TTN: variants seen among roughly 807,000 people sequenced by gnomAD.
TTN encodes connectin.
In TTN, 1,525 loss-of-function variants were observed where a neutral mutation model predicts 3,223.0. The ratio of observed to expected loss-of-function variants is 0.47; its 90% CI spans 0.45 to 0.49. The LOEUF is 0.49. Ranked by LOEUF, TTN falls within the 20% of genes least tolerant of loss-of-function variation. The pLI, the probability that TTN is intolerant of heterozygous loss-of-function variation, is 0.00. For synonymous variants in TTN, 14,094 were observed against 15,161.0 expected (o/e 0.93, Z 5.17); for missense variants, 40,786 against 43,424.0 (o/e 0.94, Z 5.40).
At position 178,552,106 on chromosome 2, in the gene TTN, C is replaced by T. The variant is rs771164863; in HGVS notation, c.90794G>A (p.Arg30265Gln). The change falls in exon 335 of 363, where the codon CGG becomes CAG. Residue 30265 changes from arginine to glutamine, a missense_variant. Transcript: ENST00000589042. ...GEITCYSIEK[R>Q]ETSQTNWKMV... ...CTTCCAGTTAGTTTGTGAAGTTTCC[C>T]GCTTCTCGATGCTGTAACAAGTAAT... 16 of 1,613,510 alleles carry T rather than the reference C, an allele frequency of 9.9e-6. No individual in the cohort carries two copies. The highest frequency in any genetic ancestry group is 2.2e-5 in the South Asian group (2 of 91,026).
At position 178,557,876 on chromosome 2, in the gene TTN, C is replaced by T; in HGVS notation, c.87478G>A (p.Glu29160Lys). The change falls in exon 328 of 363, where the codon GAG becomes AAG. Residue 29160 changes from glutamate to lysine, a missense_variant. Glu to Lys is a moderately conservative substitution (Grantham distance 56). Coordinates refer to ENST00000589042, the MANE Select transcript of TTN (RefSeq NM_001267550.2). Reference protein sequence around the residue: ...ITEESVTLKWEPPKYDGGSQV... With the variant: ...ITEESVTLKWKPPKYDGGSQV... ...CTTCCACCGTCATACTTAGGTGGCT[C>T]CCATTTGAGAGTCACACTTTCTTCA... 1 of 1,613,802 alleles carries T rather than the reference C, an allele frequency of 6.2e-7. No individual in the cohort carries two copies. Among genetic ancestry groups the T allele is most frequent in the Non-Finnish European group, 8.5e-7 (1 of 1,179,836 alleles).
rs778341120 is a variant in TTN, at chr2:178,542,432, C to T, written c.97324G>A (p.Ala32442Thr). ...LSGYVVEQRDAHRPGWLPVSE... is the reference protein window; with the variant it reads ...LSGYVVEQRDTHRPGWLPVSE... The stretch of plus-strand genomic sequence containing the variant: ...ACGGGCAGCCATCCTGGACGATGAG[C>T]GTCACGTTGTTCTACCACATAACCA... The change falls in exon 349 of 363, where the codon GCT becomes ACT. Residue 32442 changes from alanine (A) to threonine (T), a missense_variant. Transcript: ENST00000589042. The T allele has an allele frequency of 1.7e-5, 28 of 1,613,566 alleles. No individual in the cohort carries two copies. Among genetic ancestry groups the T allele is most frequent in the African/African-American group, 5.3e-5 (4 of 74,900 alleles).
Position 178,590,809 on chromosome 2 carries a change from A to G in TTN, c.60916T>C (p.Tyr20306His). 1.2e-6 allele frequency: 2 copies of G among 1,607,314 alleles called. No homozygotes were observed. The highest frequency in any genetic ancestry group is 2.2e-5 in the East Asian group (1 of 44,582). Residue 20306 changes from tyrosine (Y) to histidine (H), a missense_variant, in exon 304 of 363, where the codon TAC becomes CAC. Tyr to His is a moderately conservative substitution (Grantham distance 83, BLOSUM62 2). Transcript: ENST00000589042. The part of the protein sequence containing the change: ...KSDGGSPITG[Y>H]YMERREVTGK... ...GTTACTTCTCGACGTTCCATATAGT[A>G]GCCAGTTATTGGACTGCCACCATCA...
chr2:178,704,012 A>G (rs2075439317), intron 106 of TTN, 135 bp downstream of exon 106: 2 of 1,143,064 alleles, frequency 1.7e-6, no homozygotes, highest in South Asian at 1.8e-5. Flanking sequence ...GATGAATACT[A>G]TGAGAACGTG....
At chr2:178,729,599 C>G (rs1560775964) in intron 63 of TTN, 33 bp from the exon 64 acceptor site, 19 of 1,612,624 alleles carry the variant, frequency 1.2e-5, no homozygotes, top group Non-Finnish European at 1.4e-5. Flanking sequence ...GTAGCTTACT[C>G]AAGGGAAGAC....
rs758176369 is a variant in TTN, at chr2:178,602,302, A to C, written c.55100T>G (p.Ile18367Ser). Residue 18367 changes from isoleucine (I) to serine (S), a missense_variant, in exon 283 of 363, where the codon ATC (isoleucine) becomes AGC (serine). Ile to Ser is a moderately radical substitution (Grantham distance 142). Coordinates refer to ENST00000589042, the MANE Select transcript of TTN (RefSeq NM_001267550.2). ...ESEPSDTTGE[I>S]PATDIQEEPE... ...AGTACCTTGAATATCAGTGGCAGGGATCTCCCCAGTTGTATCACTTGGTTC... is the reference window on the plus strand; with the variant it reads ...AGTACCTTGAATATCAGTGGCAGGGCTCTCCCCAGTTGTATCACTTGGTTC... The C allele has an allele frequency of 6.2e-7, 1 of 1,612,720 alleles. No homozygotes were observed. Among genetic ancestry groups the C allele is most frequent in the Non-Finnish European group, 8.5e-7 (1 of 1,179,228 alleles).
chr2:178,587,038 G>A, intron 307 of TTN, 80 bp downstream of exon 307: 2 of 1,538,042 alleles, frequency 1.3e-6, no homozygotes, highest in Non-Finnish European at 1.8e-6. Context: ...TTTCAGAAGT[G>A]GATTAAAATG....
chr2:178,738,012 T>A, intron 49 of TTN, 70 bp downstream of exon 49: 1 of 1,559,534 alleles, frequency 6.4e-7, no homozygotes, highest in Non-Finnish European at 8.7e-7. Context: ...TTCCCACACA[T>A]GTACAGAAAG....
chr2:178,792,210 A>C lies in TTN; in HGVS notation c.1537-13T>G, dbSNP rs2093542409. On this transcript the variant is annotated splice_polypyrimidine_tract_variant and intron_variant, in intron 9 of 362. Transcript: ENST00000589042. ...TTTCTTTTCTTATCTGCAAAGAATG[A>C]TTTAAGAAAAAACTTTATTTCCTGA... is the stretch of plus-strand genomic sequence containing the variant. 1 of 1,598,700 alleles carries C rather than the reference A, an allele frequency of 6.3e-7. No homozygotes were observed. The highest frequency in any genetic ancestry group is 8.5e-7 in the Non-Finnish European group (1 of 1,175,904).
Position 178,626,740 on chromosome 2 carries a change from A to G in TTN, c.44425-1344T>C, listed in dbSNP as rs540939476. Among the ~76,000 whole-genome samples the G allele has an allele frequency of 2.0e-5, 3 of 152,028 alleles. No individual in the cohort carries two copies. The South Asian group carries it at 6.2e-4, about 32-fold the overall frequency. On this transcript the variant is annotated intron_variant, in intron 240 of 362. Coordinates refer to ENST00000589042, the MANE Select transcript of TTN (RefSeq NM_001267550.2). ...TCCGAGGGCATGGTGCTGAAATGGG[A>G]AAAATTTGTTTTTTTAATAACATTT... is the stretch of plus-strand genomic sequence containing the variant.
intron 13 of TTN, 127 bp from the exon 14 acceptor site, chr2:178,786,268 C>G: frequency 1.0e-6 from 1 of 955,182 alleles, no homozygotes; most frequent in South Asian, 1.5e-5. Context: ...AGAAATGTAT[C>G]TCAGAAACAC....
rs1553685985 is a variant in TTN at position 178,607,347 on chromosome 2, A to G, written c.53288-33T>C. ...CAAAACAAAGCCAAAAATCAATGTA[A>G]TAAGATAGTATCACTTGGGAAAATC... On this transcript the variant is annotated intron_variant, in intron 277 of 362. Coordinates refer to ENST00000589042, the MANE Select transcript of TTN (RefSeq NM_001267550.2). The G allele has an allele frequency of 3.2e-5, 51 of 1,612,536 alleles. No homozygotes were observed. In the South Asian group the frequency reaches 5.6e-4, roughly 18 times the overall value.
chr2:178,785,850 G>A lies in TTN; in HGVS notation c.2368C>T (p.Gln790Ter). ...TDQKGMHISS[Q>*]IKKTTDLTTE... ...AAAATCAGCAGGTATAGACTCACCT[G>A]TGATGATATGTGCATTCCCTTTTGA... Residue 790 changes from glutamine (Q) to a stop codon, truncating the protein, a stop_gained and splice_region_variant, in exon 14 of 363, where the codon CAG becomes TAG. Coordinates refer to ENST00000589042, the MANE Select transcript of TTN (RefSeq NM_001267550.2). LOFTEE classifies it high-confidence loss of function. 6.2e-7 allele frequency: 1 copy of A among 1,614,158 alleles called. No homozygotes were observed.
rs1168668643 is a variant in TTN at position 178,532,068 on chromosome 2, C to G, written c.104547G>C (p.Glu34849Asp). Residue 34849 changes from glutamate (E) to aspartate (D), a missense_variant, in exon 358 of 363, where the codon GAG (glutamate) becomes GAC (aspartate). By Grantham distance (45) the Glu-to-Asp change is conservative. Transcript: ENST00000589042. ...TCAGCTCAGACACTGGCCTCATTAA[C>G]TCAATATAAGTTGGAGACAGGGAGC... ...RRRSLSPTYI[E>D]LMRPVSELIR... 6.2e-7 allele frequency: 1 copy of G among 1,613,834 alleles called. No homozygotes were observed. The highest frequency in any genetic ancestry group is 1.7e-5 in the Admixed American group (1 of 59,994).
chr2:178,711,958 A>G lies in TTN; in HGVS notation c.27872T>C (p.Phe9291Ser), dbSNP rs754982924. ...NSVGEVSAST[F>S]LTVQEQKLPP... is the part of the protein sequence containing the mutation. ...ATTGCAATCACCTTGAACGGTAAGGAAAGTTGATGCAGAAACTTCTCCCAC... is the reference window on the plus strand; with the variant it reads ...ATTGCAATCACCTTGAACGGTAAGGGAAGTTGATGCAGAAACTTCTCCCAC... The change falls in exon 96 of 363, where the codon TTC becomes TCC. Residue 9291 changes from phenylalanine (F) to serine (S), a missense_variant. By Grantham distance (155) the Phe-to-Ser change is radical. Coordinates refer to ENST00000589042, the MANE Select transcript of TTN (RefSeq NM_001267550.2). The G allele has an allele frequency of 5.0e-6, 8 of 1,599,524 alleles. No individual in the cohort carries two copies. Among genetic ancestry groups the G allele is most frequent in the Admixed American group, 1.7e-5 (1 of 58,838 alleles).
chr2:178,717,694 A>G lies in TTN; in HGVS notation c.25180T>C (p.Tyr8394His), dbSNP rs898098652. ...NGSEPLQVSW[Y>H]KDGVLLKDDA... ...TCTTTCAAAAGAACCCCATCCTTGTACCAAGACACTTGAAGAGGTTCTGAG... is the reference window on the plus strand; with the variant it reads ...TCTTTCAAAAGAACCCCATCCTTGTGCCAAGACACTTGAAGAGGTTCTGAG... The change falls in exon 87 of 363, where the codon TAC becomes CAC. Residue 8394 changes from tyrosine to histidine, a missense_variant. By Grantham distance (83) the Tyr-to-His change is moderately conservative. Transcript: ENST00000589042. The G allele has an allele frequency of 6.2e-7, 1 of 1,613,496 alleles. No homozygotes were observed. Among genetic ancestry groups the G allele is most frequent in the Non-Finnish European group, 8.5e-7 (1 of 1,179,612 alleles).
chr2:178,612,942 A>C lies in TTN; in HGVS notation c.49779T>G (p.Thr16593=). ...IESYVIEMLK[T]GTDEWVRVAE... is the part of the protein sequence containing the mutation. ...CCACTCTGACCCACTCATCTGTTCC[A>C]GTCTTCAGCATTTCAATGACATAAG... Residue 16593 remains threonine, a synonymous_variant, in exon 265 of 363, where the codon ACT becomes ACG. Coordinates refer to ENST00000589042, the MANE Select transcript of TTN (RefSeq NM_001267550.2). 6.2e-7 allele frequency: 1 copy of C among 1,612,704 alleles called. No homozygotes were observed.
chr2:178,622,568 C>T, intron 243 of TTN, 102 bp downstream of exon 243: 4 of 819,296 alleles, frequency 4.9e-6, no homozygotes, highest in Non-Finnish European at 3.9e-6. Context: ...AAAGTGGTGA[C>T]CAGAGAAGTT....
At position 178,733,487 on chromosome 2, in the gene TTN, A is replaced by G; in HGVS notation, c.15806T>C (p.Leu5269Pro). The G allele has an allele frequency of 6.8e-6, 11 of 1,612,064 alleles. No homozygotes were observed. The highest frequency in any genetic ancestry group is 1.7e-5 in the Admixed American group (1 of 59,914). ...GGGATCTCCTGCTGTCACCTGGATC[A>G]GTTCTGCTCGCTCAATGATTTTGGC... ...EPAKIIERAELIQVTAGDPAT... is the reference protein window; with the variant it reads ...EPAKIIERAEPIQVTAGDPAT... The change falls in exon 54 of 363, where the codon CTG becomes CCG. Residue 5269 changes from leucine to proline, a missense_variant. Transcript: ENST00000589042.
Sources: gnomAD v4.1 joint callset for allele counts (sites outside exome capture counted in the v4.1 genomes callset) on GRCh38, gnomAD v4.1.1 for gene constraint, MANE v1.5 for transcripts, NCBI Gene and HGNC (gene_info 2026-07-23, HGNC 2026-07-21) for gene names.